Variants in CCDC38 observed in about 807,000 individuals in gnomAD.
CCDC38 encodes the protein coiled-coil domain containing 38.
In CCDC38, 69 loss-of-function variants were observed where a neutral mutation model predicts 72.8. That is an observed-to-expected ratio of 0.95 (90% confidence interval 0.78 to 1.16). CCDC38 has a LOEUF of 1.16. CCDC38 is among the 50% of genes most tolerant of loss of function. The pLI is 0.00. For missense variants in CCDC38, 626 were observed against 638.9 expected (o/e 0.98, Z 0.22); for synonymous variants, 201 against 213.2 (o/e 0.94, Z 0.50).
At chr12:95,875,337 G>A (rs1439167852) in intron 13 of CCDC38, among the ~76,000 whole-genome samples, 1 of 152,122 alleles carries the variant, frequency 6.6e-6, no homozygotes, top group East Asian at 1.9e-4. Flanking sequence ...CTTGTGATTT[G>A]TGCACTTCTC....
intron 10 of CCDC38, among the ~76,000 whole-genome samples, chr12:95,881,760 C>T (rs2079703062): frequency 6.6e-6 from 1 of 152,188 alleles, no homozygotes; most frequent in African/African-American, 2.4e-5. Flanking sequence ...GTCCCAGACA[C>T]AGCTGACATA....
At position 95,872,315 on chromosome 12, in the gene CCDC38, G is replaced by A. The variant is rs1045355907; in HGVS notation, c.1424C>T (p.Ser475Phe). 6.2e-7 allele frequency: 1 copy of A among 1,613,966 alleles called. No homozygotes were observed. The highest frequency in any genetic ancestry group is 1.7e-5 in the Admixed American group (1 of 59,996). The change falls in exon 14 of 16, where the codon TCC becomes TTC. Residue 475 changes from serine to phenylalanine, a missense_variant. By Grantham distance (155) the Ser-to-Phe change is radical. Coordinates refer to ENST00000344280, the MANE Select transcript of CCDC38 (RefSeq NM_182496.3). ...TGCCTCCACATTTTCTTTGGGAATG[G>A]ATTCGATGAGGTCACACAGTTCTAC... is the stretch of plus-strand genomic sequence containing the variant. ...RLVELCDLIE[S>F]IPKENVEAIE...
chr12:95,940,331 G>A (rs1592815220), intron 1 of CCDC38, among the ~76,000 whole-genome samples: 1 of 152,160 alleles, frequency 6.6e-6, no homozygotes. Flanking sequence ...GGGAAGTGGG[G>A]AAAGAGGAGT....
intron 8 of CCDC38, among the ~76,000 whole-genome samples, chr12:95,891,654 G>A (rs1156852457): frequency 6.6e-6 from 1 of 152,024 alleles, no homozygotes; most frequent in Admixed American, 6.6e-5. Context: ...GGCCCCAGAA[G>A]GACTGAATTT....
intron 2 of CCDC38, among the ~76,000 whole-genome samples, chr12:95,920,288 C>G (rs2080191051): frequency 6.6e-6 from 1 of 152,192 alleles, no homozygotes; most frequent in Admixed American, 6.5e-5. Flanking sequence ...TGCACACACT[C>G]TCTTGCCTGC....
chr12:95,892,081 CTT>C (rs67478657), intron 8 of CCDC38, among the ~76,000 whole-genome samples: 28 of 97,972 alleles, frequency 2.9e-4, no homozygotes, highest in Middle Eastern at 6.3e-3. Flanking sequence ...GATCACTCTG[CTT>C]TTTTTTTTTT....
At chr12:95,925,515 A>G (rs531956908) in intron 2 of CCDC38, among the ~76,000 whole-genome samples, 2 of 152,204 alleles carry the variant, frequency 1.3e-5, no homozygotes, top group African/African-American at 4.8e-5. Flanking sequence ...CTCTTTTCCT[A>G]ATTGAATACC....
At position 95,917,278 on chromosome 12, in the gene CCDC38, C is replaced by T. The variant is rs149017568; in HGVS notation, c.155G>A (p.Arg52His). ...AGTTTTCTGGTAGACTTTCATGTTACGGTTCATAAATTTTTCCTGCCCAAG... is the reference window on the plus strand; with the variant it reads ...AGTTTTCTGGTAGACTTTCATGTTATGGTTCATAAATTTTTCCTGCCCAAG... ...AAKETEKFMN[R>H]NMKVYQKTTF... The change falls in exon 4 of 16, where the codon CGT (arginine) becomes CAT (histidine). Residue 52 changes from arginine to histidine, a missense_variant. Coordinates refer to ENST00000344280, the MANE Select transcript of CCDC38 (RefSeq NM_182496.3). The T allele has an allele frequency of 1.0e-4, 166 of 1,594,582 alleles. No individual in the cohort carries two copies. In the East Asian group the frequency reaches 2.1e-3, roughly 21 times the overall value.
intron 4 of CCDC38, among the ~76,000 whole-genome samples, chr12:95,907,707 G>T (rs2080025759): frequency 6.8e-6 from 1 of 147,152 alleles, no homozygotes; most frequent in Non-Finnish European, 1.5e-5. Flanking sequence ...GGGCGGAGGG[G>T]CTCCTCACTT....
At chr12:95,900,613 A>C (rs1261739627) in intron 5 of CCDC38, among the ~76,000 whole-genome samples, 1 of 152,162 alleles carries the variant, frequency 6.6e-6, no homozygotes, top group Non-Finnish European at 1.5e-5. Context: ...TTCTTTCTGC[A>C]TATAGTTAGT....
At chr12:95,921,231 T>G (rs1313714492) in intron 2 of CCDC38, among the ~76,000 whole-genome samples, 1 of 152,220 alleles carries the variant, frequency 6.6e-6, no homozygotes, top group Non-Finnish European at 1.5e-5. Context: ...AAAAACTTTC[T>G]CTCTCTTTAT....
At chr12:95,870,388 G>A (rs2079568553) in intron 14 of CCDC38, among the ~76,000 whole-genome samples, 1 of 152,154 alleles carries the variant, frequency 6.6e-6, no homozygotes, top group Non-Finnish European at 1.5e-5. Context: ...CACTAAATAT[G>A]TGATAGCTAT....
At chr12:95,935,008 G>A (rs1262194617) in intron 2 of CCDC38, 2 of 152,024 alleles carry the variant, frequency 1.3e-5, no homozygotes, top group Non-Finnish European at 2.9e-5. Context: ...TGTCTGTCTA[G>A]TATCCCATTA....
intron 2 of CCDC38, among the ~76,000 whole-genome samples, chr12:95,923,617 G>C (rs991228632): frequency 1.3e-5 from 2 of 151,886 alleles, no homozygotes; most frequent in Non-Finnish European, 2.9e-5. Context: ...ATGTATACAT[G>C]TGCCATGCTG....
At chr12:95,913,890 G>A (rs2080119187) in intron 4 of CCDC38, among the ~76,000 whole-genome samples, 1 of 151,916 alleles carries the variant, frequency 6.6e-6, no homozygotes, top group Non-Finnish European at 1.5e-5. Context: ...CGAGAACTTC[G>A]AATAAGTGAC....
intron 1 of CCDC38, among the ~76,000 whole-genome samples, chr12:95,939,462 A>G (rs2080427053): frequency 6.6e-6 from 1 of 152,204 alleles, no homozygotes; most frequent in South Asian, 2.1e-4. Flanking sequence ...CTGGGAGGCA[A>G]GAGATAATGC....
intron 4 of CCDC38, among the ~76,000 whole-genome samples, chr12:95,911,613 A>G (rs1339066755): frequency 6.6e-6 from 1 of 152,234 alleles, no homozygotes; most frequent in Non-Finnish European, 1.5e-5. Context: ...AACTGGAAAG[A>G]ATGCCCGACA....
In CCDC38 at chr12:95,883,291, C is replaced by T. The variant is rs1400285508; in HGVS notation, c.921-1737G>A. Among the ~76,000 whole-genome samples the T allele has an allele frequency of 5.3e-5, 8 of 152,350 alleles. No homozygotes were observed. The South Asian group carries it at 1.0e-3, about 20-fold the overall frequency. ...CAAATAGGATTGGGTCTCTGTCACA[C>T]TCTTGTTTAAAACATACAGTGTCTC... On this transcript the variant is annotated intron_variant, in intron 10 of 15. Coordinates refer to ENST00000344280, the MANE Select transcript of CCDC38 (RefSeq NM_182496.3).
intron 10 of CCDC38, among the ~76,000 whole-genome samples, 159 bp downstream of exon 10, chr12:95,888,299 C>T (rs960216386): frequency 6.6e-6 from 1 of 152,144 alleles, no homozygotes; most frequent in African/African-American, 2.4e-5. Flanking sequence ...GGAGAGAGGC[C>T]TGTGAGATCT....
Sources: gnomAD v4.1 joint callset for allele counts (sites outside exome capture counted in the v4.1 genomes callset) on GRCh38, gnomAD v4.1.1 for gene constraint, MANE v1.5 for transcripts, NCBI Gene and HGNC (gene_info 2026-07-23, HGNC 2026-07-21) for gene names.